MTHFD1: variants seen among roughly 807,000 people sequenced by gnomAD.
MTHFD1 encodes the protein C-1-tetrahydrofolate synthase, cytoplasmic.
MTHFD1 carries 44 observed loss-of-function variants against 110.3 expected under a neutral mutation model. That is an observed-to-expected ratio of 0.40 (90% CI 0.31 to 0.51). The LOEUF (loss-of-function observed/expected upper bound fraction) is 0.51. Among genes scored for constraint, MTHFD1 ranks in the 20% least tolerant of loss-of-function variants. The pLI is 0.60. For missense variants in MTHFD1, 909 were observed against 1,173.1 expected, an observed-to-expected ratio of 0.77 and a Z score of 3.29; for synonymous variants, 402 against 428.8, an observed-to-expected ratio of 0.94 and a Z score of 0.77.
chr14:64,441,556 C>T (rs1487300415), intron 19 of MTHFD1, 103 bp downstream of exon 19: 32 of 1,094,998 alleles, frequency 2.9e-5, no homozygotes, highest in Admixed American at 3.8e-5. Context: ...CCTGTAATCC[C>T]AGCACTTTGG....
chr14:64,406,262 C>T (rs1381280138), intron 2 of MTHFD1, among the ~76,000 whole-genome samples: 5 of 151,754 alleles, frequency 3.3e-5, no homozygotes, highest in African/African-American at 1.2e-4. Flanking sequence ...TGGTCTTGAA[C>T]TCCTGACCTC....
chr14:64,420,832 G>A (rs930219397), intron 8 of MTHFD1, among the ~76,000 whole-genome samples: 1 of 152,144 alleles, frequency 6.6e-6, no homozygotes, highest in Non-Finnish European at 1.5e-5. Context: ...TTGTAAAGTG[G>A]ACCACTTTCC....
chr14:64,428,928 C>G (rs961274948), intron 12 of MTHFD1, among the ~76,000 whole-genome samples: 1 of 152,130 alleles, frequency 6.6e-6, no homozygotes, highest in Non-Finnish European at 1.5e-5. Context: ...TCAACTTCAG[C>G]ACGAGCTATT....
At position 64,419,846 on chromosome 14, in the gene MTHFD1, T is replaced by G; in HGVS notation, c.648T>G (p.Thr216=). 6.2e-7 allele frequency: 1 copy of G among 1,614,040 alleles called. No homozygotes were observed. Among genetic ancestry groups the G allele is most frequent in the Non-Finnish European group, 8.5e-7 (1 of 1,179,932 alleles). ...VNKGDILVVA[T]GQPEMVKGEW... ...AAGGTGACATCCTGGTGGTTGCAAC[T>G]GGTCAGCCTGAAATGGTTAAAGGGG... Residue 216 remains threonine, a synonymous_variant, in exon 8 of 28, where the codon ACT becomes ACG. Coordinates refer to ENST00000652337, the MANE Select transcript of MTHFD1 (RefSeq NM_005956.4).
rs563557193 is a variant in MTHFD1, at chr14:64,409,460, G to A, written c.127-1630G>A. ...TCAGAGTTAAGACTAAATAACTAGT[G>A]GTAGGTATAAATATGAATGAAATTG... On this transcript the variant is annotated intron_variant, in intron 2 of 27. Transcript: ENST00000652337. 2.6e-5 allele frequency among the ~76,000 whole-genome samples: 4 copies of A among 152,208 alleles called. No individual in the cohort carries two copies. In the South Asian group the frequency reaches 8.3e-4, roughly 32 times the overall value.
chr14:64,451,048 A>G (rs1188461126), intron 24 of MTHFD1, among the ~76,000 whole-genome samples: 2 of 152,162 alleles, frequency 1.3e-5, no homozygotes, highest in African/African-American at 4.8e-5. Flanking sequence ...AGGCACCTGT[A>G]ATCCCAGCTA....
intron 26 of MTHFD1, among the ~76,000 whole-genome samples, chr14:64,457,803 A>G (rs2078499744): frequency 6.6e-6 from 1 of 152,164 alleles, no homozygotes; most frequent in East Asian, 1.9e-4. Flanking sequence ...TTGATTTTTA[A>G]TATGTAACAA....
At chr14:64,440,483 G>A in intron 18 of MTHFD1, 1 of 616,706 alleles carries the variant, frequency 1.6e-6, no homozygotes, top group Non-Finnish European at 2.9e-6. Flanking sequence ...TAGATCACAA[G>A]TTCCAGATGA....
chr14:64,435,501 A>G, intron 15 of MTHFD1, 68 bp from the exon 16 acceptor site: 1 of 1,069,524 alleles, frequency 9.3e-7, no homozygotes, highest in Non-Finnish European at 1.5e-6. Context: ...AGGGGTCAAA[A>G]TTTTTGTCTT....
chr14:64,427,431 T>C lies in MTHFD1; in HGVS notation c.1222T>C (p.Cys408Arg), dbSNP rs766822474. 1.2e-6 allele frequency: 2 copies of C among 1,614,080 alleles called. No individual in the cohort carries two copies. The highest frequency in any genetic ancestry group is 2.7e-5 in the African/African-American group (2 of 74,922). ...CCATCTCTACCAGAATGTCTTTGCG[T>C]GTGTGCGACAGCCTTCTCAGGGCCC... Reference protein sequence around the residue: ...GAHLYQNVFACVRQPSQGPTF... With the variant: ...GAHLYQNVFARVRQPSQGPTF... Residue 408 changes from cysteine to arginine, a missense_variant, in exon 12 of 28, where the codon TGT (cysteine) becomes CGT (arginine). Cys to Arg is a radical substitution (Grantham distance 180). Coordinates refer to ENST00000652337, the MANE Select transcript of MTHFD1 (RefSeq NM_005956.4).
intron 4 of MTHFD1, among the ~76,000 whole-genome samples, chr14:64,414,503 G>A (rs2078010337): frequency 6.6e-6 from 1 of 151,896 alleles, no homozygotes; most frequent in Non-Finnish European, 1.5e-5. Context: ...TGTTGGCCAG[G>A]CTGGTTTCAA....
At chr14:64,453,379 C>G (rs1367206541) in intron 24 of MTHFD1, among the ~76,000 whole-genome samples, 1 of 152,044 alleles carries the variant, frequency 6.6e-6, no homozygotes, top group Non-Finnish European at 1.5e-5. Flanking sequence ...CAAGACCAGC[C>G]TGACCAACAT....
At chr14:64,403,008 T>C (rs2077910715) in intron 2 of MTHFD1, among the ~76,000 whole-genome samples, 1 of 152,108 alleles carries the variant, frequency 6.6e-6, no homozygotes, top group Admixed American at 6.5e-5. Context: ...TTACTGTTAC[T>C]CAGTGCAGTG....
chr14:64,388,711 T>A (rs2077782878), intron 1 of MTHFD1: 2 of 587,638 alleles, frequency 3.4e-6, no homozygotes, highest in South Asian at 4.2e-5. Context: ...CCGACTATGC[T>A]CCCAAACGCG....
intron 27 of MTHFD1, chr14:64,458,675 C>T (rs1346343710): frequency 5.8e-6 from 2 of 346,768 alleles, no homozygotes; most frequent in East Asian, 7.1e-5. Context: ...GAACAGCTGA[C>T]GGTCTGTATA....
chr14:64,436,402 C>T (rs1371335102), intron 16 of MTHFD1, among the ~76,000 whole-genome samples: 1 of 152,136 alleles, frequency 6.6e-6, no homozygotes, highest in Admixed American at 6.5e-5. Context: ...CCTACCTAAT[C>T]ATTTTTTTAC....
intron 8 of MTHFD1, among the ~76,000 whole-genome samples, chr14:64,422,599 C>T (rs2078083453): frequency 6.6e-6 from 1 of 152,082 alleles, no homozygotes; most frequent in African/African-American, 2.4e-5. Context: ...AAAGTGGGAA[C>T]AGATTCCCCA....
At chr14:64,452,962 C>A (rs994381109) in intron 24 of MTHFD1, among the ~76,000 whole-genome samples, 8 of 151,900 alleles carry the variant, frequency 5.3e-5, no homozygotes, top group African/African-American at 1.9e-4. Context: ...CTCAAGTGAT[C>A]CTCCTGCCTT....
At chr14:64,421,191 T>C (rs922716308) in intron 8 of MTHFD1, among the ~76,000 whole-genome samples, 2 of 152,102 alleles carry the variant, frequency 1.3e-5, no homozygotes, top group Admixed American at 6.6e-5. Flanking sequence ...CCATAGAACA[T>C]GTGTATTGTA....
Sources: gnomAD v4.1 joint callset for allele counts (sites outside exome capture counted in the v4.1 genomes callset) on GRCh38, gnomAD v4.1.1 for gene constraint, MANE v1.5 for transcripts, NCBI Gene and HGNC (gene_info 2026-07-23, HGNC 2026-07-21) for gene names.